The following NDUFS4 variants were observed in gnomAD, a reference collection of about 807,000 sequenced individuals.
The protein encoded by NDUFS4 is NADH dehydrogenase [ubiquinone] iron-sulfur protein 4, mitochondrial.
In NDUFS4, 28 loss-of-function variants were observed where a neutral mutation model predicts 24.3. That is an observed-to-expected ratio of 1.15 (90% CI 0.85 to 1.58). NDUFS4 has a LOEUF of 1.58. Among genes scored for constraint, NDUFS4 ranks in the 40% most tolerant of loss-of-function variants. The pLI, the probability that NDUFS4 is intolerant of heterozygous loss-of-function variation, is 0.00. For missense variants in NDUFS4, 223 were observed against 207.9 expected, an observed-to-expected ratio of 1.07 and a Z score of -0.45; for synonymous variants, 93 against 69.7, an observed-to-expected ratio of 1.34 and a Z score of -1.67.
chr5:53,674,385 T>G (rs561342126), intron 4 of NDUFS4, among the ~76,000 whole-genome samples: 1 of 152,312 alleles, frequency 6.6e-6, no homozygotes, highest in East Asian at 1.9e-4. Flanking sequence ...TATGGTCTAC[T>G]TCAAGGTACA....
At chr5:53,643,177 A>G (rs1195369527) in intron 2 of NDUFS4, among the ~76,000 whole-genome samples, 5 of 152,104 alleles carry the variant, frequency 3.3e-5, no homozygotes, top group African/African-American at 1.2e-4. Flanking sequence ...GCCAGCTTGA[A>G]GGCTTTTCAT....
chr5:53,660,762 A>AT (rs1177753615), intron 4 of NDUFS4, among the ~76,000 whole-genome samples: 1 of 152,118 alleles, frequency 6.6e-6, no homozygotes, highest in Non-Finnish European at 1.5e-5. Context: ...GATGATGGGC[A>AT]TTTTTTCATG....
At chr5:53,630,512 A>T (rs1751380517) in intron 2 of NDUFS4, among the ~76,000 whole-genome samples, 2 of 152,150 alleles carry the variant, frequency 1.3e-5, no homozygotes, top group African/African-American at 4.8e-5. Context: ...ACTTTCAGGT[A>T]CACCAATCAA....
intron 4 of NDUFS4, among the ~76,000 whole-genome samples, chr5:53,670,219 A>G (rs974911367): frequency 1.4e-4 from 22 of 152,146 alleles, no homozygotes; most frequent in African/African-American, 5.1e-4. Context: ...GATCAATCAC[A>G]TTGCTCCTGA....
chr5:53,618,158 G>T (rs1750911945), intron 2 of NDUFS4, among the ~76,000 whole-genome samples: 1 of 152,082 alleles, frequency 6.6e-6, no homozygotes, highest in Admixed American at 6.6e-5. Flanking sequence ...TGTGGTCCTA[G>T]CTACCTGGGA....
chr5:53,577,735 A>T (rs546197993), intron 1 of NDUFS4, among the ~76,000 whole-genome samples: 5 of 152,140 alleles, frequency 3.3e-5, no homozygotes, highest in Admixed American at 2.6e-4. Flanking sequence ...AGGTCTTCCA[A>T]CTCACTTAAC....
chr5:53,619,066 A>G (rs1750943765), intron 2 of NDUFS4, among the ~76,000 whole-genome samples: 1 of 151,864 alleles, frequency 6.6e-6, no homozygotes, highest in Non-Finnish European at 1.5e-5. Flanking sequence ...GTGAGCTAAG[A>G]TCGCGCCACT....
At chr5:53,590,867 A>G (rs1357851908) in intron 1 of NDUFS4, among the ~76,000 whole-genome samples, 2 of 152,298 alleles carry the variant, frequency 1.3e-5, no homozygotes, top group East Asian at 1.9e-4. Context: ...AACCATTACC[A>G]TCATATATCT....
At chr5:53,648,795 G>T (rs1054953214) in intron 3 of NDUFS4, among the ~76,000 whole-genome samples, 1 of 152,174 alleles carries the variant, frequency 6.6e-6, no homozygotes, top group African/African-American at 2.4e-5. Flanking sequence ...AGTGGAAGAT[G>T]CTGAGGATTA....
At chr5:53,648,615 G>C (rs1018017565) in intron 3 of NDUFS4, among the ~76,000 whole-genome samples, 2 of 152,118 alleles carry the variant, frequency 1.3e-5, no homozygotes, top group African/African-American at 4.8e-5. Flanking sequence ...AAAATCAGTG[G>C]TTCTCAACTG....
chr5:53,632,344 A>G (rs989441641), intron 2 of NDUFS4, among the ~76,000 whole-genome samples: 3 of 152,218 alleles, frequency 2.0e-5, no homozygotes, highest in South Asian at 2.1e-4. Context: ...GGGCAGTCAT[A>G]GAGTTGCTCT....
rs1267518131 is a variant in NDUFS4 at position 53,560,756 on chromosome 5, A to T, written c.94A>T (p.Thr32Ser). 6.2e-7 allele frequency: 1 copy of T among 1,614,146 alleles called. No homozygotes were observed. Among genetic ancestry groups the T allele is most frequent in the Admixed American group, 1.7e-5 (1 of 60,018 alleles). ...TGCCCTTTCCGTTTCCAGGGTTCCG[A>T]CCAGGTAATAGAATTTTCACACTTT... ...VAALSVSRVP[T>S]RSLRTSTWRL... The change falls in exon 1 of 5, where the codon ACC (threonine) becomes TCC (serine). Residue 32 changes from threonine to serine, a missense_variant. By Grantham distance (58) the Thr-to-Ser change is moderately conservative. Transcript: ENST00000296684.
At position 53,563,594 on chromosome 5, in the gene NDUFS4, C is replaced by T. The variant is rs527330322; in HGVS notation, c.98+2834C>T. ...TCAGTTCACTGCAACCTCTGCCTCC[C>T]GGGTTCAAGCGATTCTCCCGCCCCA... On this transcript the variant is annotated intron_variant, in intron 1 of 4. Transcript: ENST00000296684. Among the ~76,000 whole-genome samples the T allele has an allele frequency of 7.2e-5, 11 of 152,058 alleles. No homozygotes were observed. The South Asian group carries it at 1.2e-3, about 17-fold the overall frequency.
chr5:53,621,794 CG>C (rs1751045059), intron 2 of NDUFS4, among the ~76,000 whole-genome samples: 1 of 147,964 alleles, frequency 6.8e-6, no homozygotes, highest in South Asian at 2.1e-4. Context: ...CTCCGCCTCC[CG>C]GGTTCACGCC....
At chr5:53,634,843 T>C (rs1751503499) in intron 2 of NDUFS4, among the ~76,000 whole-genome samples, 1 of 152,084 alleles carries the variant, frequency 6.6e-6, no homozygotes, top group South Asian at 2.1e-4. Flanking sequence ...TTATAGCTTC[T>C]GAAAAGCTGC....
chr5:53,654,850 G>T (rs1325777582), intron 3 of NDUFS4, among the ~76,000 whole-genome samples: 1 of 152,080 alleles, frequency 6.6e-6, no homozygotes, highest in Non-Finnish European at 1.5e-5. Flanking sequence ...TTGATACTTA[G>T]ATCTGTTTTG....
chr5:53,668,616 A>AT (rs951595795), intron 4 of NDUFS4, among the ~76,000 whole-genome samples: 4,789 of 132,302 alleles, frequency 0.036, 252 homozygotes, highest in African/African-American at 0.12. Flanking sequence ...TGTCCAGCTA[A>AT]TTTTTTTTTT....
At chr5:53,611,868 A>G (rs141719319) in intron 2 of NDUFS4, among the ~76,000 whole-genome samples, 3 of 152,254 alleles carry the variant, frequency 2.0e-5, no homozygotes, top group East Asian at 1.9e-4. Context: ...CACTTCAGCT[A>G]TACAAAAGAG....
chr5:53,594,360 T>G (rs1394446834), intron 1 of NDUFS4, among the ~76,000 whole-genome samples: 1 of 152,110 alleles, frequency 6.6e-6, no homozygotes, highest in East Asian at 1.9e-4. Flanking sequence ...GGAAGCAAGA[T>G]TTGACTAGTG....
Sources: gnomAD v4.1 joint callset for allele counts (sites outside exome capture counted in the v4.1 genomes callset) on GRCh38, gnomAD v4.1.1 for gene constraint, MANE v1.5 for transcripts, NCBI Gene and HGNC (gene_info 2026-07-23, HGNC 2026-07-21) for gene names.